ACOD1: variants seen among roughly 807,000 people sequenced by gnomAD.
ACOD1 encodes the protein aconitate decarboxylase 1.
ACOD1 carries 14 observed loss-of-function variants against 14.2 expected under a neutral mutation model. The observed-to-expected ratio is 0.99, with a 90% CI of 0.65 to 1.54. ACOD1 has a LOEUF of 1.54. Ranked by LOEUF, ACOD1 falls within the 40% of genes most tolerant of loss-of-function variation. ACOD1 has a pLI of 0.00. For missense variants in ACOD1, 530 were observed against 586.3 expected (o/e 0.90, Z 0.99); for synonymous variants, 182 against 221.7 (o/e 0.82, Z 1.59).
At chr13:76,956,237 C>G (rs2033873996) in intron 4 of ACOD1, among the ~76,000 whole-genome samples, 1 of 152,200 alleles carries the variant, frequency 6.6e-6, no homozygotes. Flanking sequence ...GAGTCTCGCT[C>G]TGTTGCCAGG....
In ACOD1 at chr13:76,953,706, G is replaced by A. The variant is rs780075741; in HGVS notation, c.264+17G>A. On this transcript the variant is annotated intron_variant, in intron 3 of 4. Transcript: ENST00000377462. ...GGTGTGGCTGTAAGGAGGTTTTCAC[G>A]TCTTTTCAACTATTAGATAATCATA... 1.5e-4 allele frequency: 220 copies of A among 1,439,710 alleles called. No homozygotes were observed. Among genetic ancestry groups the A allele is most frequent in the Non-Finnish European group, 7.9e-5 (83 of 1,047,446 alleles). 89.2% of individuals were successfully genotyped at this position (1,439,710 alleles called of 1,614,324 possible).
intron 3 of ACOD1, among the ~76,000 whole-genome samples, chr13:76,954,853 G>A (rs1031974576): frequency 6.6e-6 from 1 of 152,162 alleles, no homozygotes; most frequent in Non-Finnish European, 1.5e-5. Flanking sequence ...GCCAGGCCAG[G>A]TGTGGTGGCT....
chr13:76,953,765 G>T, intron 3 of ACOD1, 76 bp downstream of exon 3: 2 of 944,522 alleles, frequency 2.1e-6, no homozygotes, highest in Non-Finnish European at 3.3e-6. Flanking sequence ...CTCAGAAATT[G>T]CCCAAATTCT....
At chr13:76,948,602 T>C in intron 1 of ACOD1, 32 bp downstream of exon 1, 4 of 1,524,870 alleles carry the variant, frequency 2.6e-6, no homozygotes, top group East Asian at 2.5e-5. Context: ...CTTACTTAAA[T>C]TGCTTTTCTA....
At chr13:76,954,956 G>A (rs908582677) in intron 3 of ACOD1, among the ~76,000 whole-genome samples, 5 of 151,720 alleles carry the variant, frequency 3.3e-5, no homozygotes, top group African/African-American at 7.3e-5. Context: ...GTGAAACTCC[G>A]TCTCTACTAA....
intron 2 of ACOD1, among the ~76,000 whole-genome samples, chr13:76,953,045 G>T (rs1301580331): frequency 6.6e-6 from 1 of 152,166 alleles, no homozygotes; most frequent in Non-Finnish European, 1.5e-5. Context: ...AGGCTGAGAG[G>T]TGGGAGGATC....
chr13:76,953,500 G>T (rs2033843280), intron 2 of ACOD1, 100 bp from the exon 3 acceptor site: 2 of 713,258 alleles, frequency 2.8e-6, no homozygotes, highest in Admixed American at 4.3e-5. Flanking sequence ...GTTCAAGTAA[G>T]AACTATGAAT....
Position 76,952,631 on chromosome 13 carries a change from T to G in ACOD1, c.155T>G (p.Ile52Arg), listed in dbSNP as rs888208261. The G allele has an allele frequency of 6.5e-7, 1 of 1,550,198 alleles. No homozygotes were observed. Among genetic ancestry groups the G allele is most frequent in the African/African-American group, 1.4e-5 (1 of 73,036 alleles). The change falls in exon 2 of 5, where the codon ATA becomes AGA. Residue 52 changes from isoleucine (I) to arginine (R), a missense_variant. By Grantham distance (97) the Ile-to-Arg change is moderately conservative. Coordinates refer to ENST00000377462, the MANE Select transcript of ACOD1 (RefSeq NM_001258406.2). ...FLGTTTEVFH[I>R]ASQYSKIYSS... ...GGAACCACTACGGAAGTGTTTCACATAGCCAGCCAATATAGCAAGGTAAGA... is the reference window on the plus strand; with the variant it reads ...GGAACCACTACGGAAGTGTTTCACAGAGCCAGCCAATATAGCAAGGTAAGA...
At chr13:76,951,897 A>G (rs1379203059) in intron 1 of ACOD1, among the ~76,000 whole-genome samples, 1 of 152,126 alleles carries the variant, frequency 6.6e-6, no homozygotes, top group African/African-American at 2.4e-5. Flanking sequence ...TCGTCTGACC[A>G]TTTGGGACTT....
In ACOD1 at chr13:76,957,499, C is replaced by G. The variant is rs2033890290; in HGVS notation, c.960C>G (p.Asn320Lys). 1.3e-6 allele frequency: 2 copies of G among 1,550,600 alleles called. No individual in the cohort carries two copies. Among genetic ancestry groups the G allele is most frequent in the South Asian group, 1.2e-5 (1 of 84,064 alleles). Residue 320 changes from asparagine (N) to lysine (K), a missense_variant, in exon 5 of 5, where the codon AAC becomes AAG. By Grantham distance (94) the Asn-to-Lys change is moderately conservative. Coordinates refer to ENST00000377462, the MANE Select transcript of ACOD1 (RefSeq NM_001258406.2). ...GGATACCAAATGTCCAGTATGTAAACAGGCCCTTTCCAGTTTCGGAGCATG... is the reference window on the plus strand; with the variant it reads ...GGATACCAAATGTCCAGTATGTAAAGAGGCCCTTTCCAGTTTCGGAGCATG... ...VLRIPNVQYV[N>K]RPFPVSEHEA...
intron 4 of ACOD1, among the ~76,000 whole-genome samples, 180 bp downstream of exon 4, chr13:76,955,704 C>T (rs1413556157): frequency 2.6e-5 from 4 of 152,226 alleles, no homozygotes; most frequent in Non-Finnish European, 5.9e-5. Flanking sequence ...AAAGAAGTGA[C>T]TTCAAGAGTG....
At position 76,952,549 on chromosome 13, in the gene ACOD1, C is replaced by A. The variant is rs1426756618; in HGVS notation, c.73C>A (p.Arg25Ser). The change falls in exon 2 of 5, where the codon CGT becomes AGT. Residue 25 changes from arginine (R) to serine (S), a missense_variant. Arg to Ser is a moderately radical substitution (Grantham distance 110, BLOSUM62 -1). Transcript: ENST00000377462. ...HGLKVGHLTDRVIQRSKRMIL... is the reference protein window; with the variant it reads ...HGLKVGHLTDSVIQRSKRMIL... ...CTTGAAAGTGGGACACCTGACAGAT[C>A]GTGTTATTCAGAGGAGCAAGAGGAT... is the stretch of plus-strand genomic sequence containing the variant. 1.9e-6 allele frequency: 3 copies of A among 1,550,276 alleles called. No individual in the cohort carries two copies. Among genetic ancestry groups the A allele is most frequent in the East Asian group, 4.9e-5 (2 of 40,896 alleles).
At chr13:76,956,806 C>A (rs944874385) in intron 4 of ACOD1, among the ~76,000 whole-genome samples, 2 of 152,212 alleles carry the variant, frequency 1.3e-5, no homozygotes, top group Non-Finnish European at 2.9e-5. Context: ...AACCACCACA[C>A]CTCGCCTATC....
rs1484344333 is a variant in ACOD1 at position 76,957,312 on chromosome 13, C to T, written c.773C>T (p.Ala258Val). 3 of 1,550,664 alleles carry T rather than the reference C, an allele frequency of 1.9e-6. No individual in the cohort carries two copies. Among genetic ancestry groups the T allele is most frequent in the East Asian group, 4.9e-5 (2 of 40,926 alleles). The change falls in exon 5 of 5, where the codon GCT (alanine) becomes GTT (valine). Residue 258 changes from alanine to valine, a missense_variant. Coordinates refer to ENST00000377462, the MANE Select transcript of ACOD1 (RefSeq NM_001258406.2). ...TCCCCAAAAGTCCTTCCAAGCATAG[C>T]TTCCTACAGTTGGCTGCTGGACCAG... ...NYSPKVLPSI[A>V]SYSWLLDQQD... is the part of the protein sequence containing the mutation.
intron 3 of ACOD1, among the ~76,000 whole-genome samples, 195 bp from the exon 4 acceptor site, chr13:76,955,124 C>T (rs950927602): frequency 3.3e-5 from 3 of 92,094 alleles, no homozygotes; most frequent in African/African-American, 1.7e-4. Context: ...AAGACTCTGT[C>T]TCAAAAAAAA....
Position 76,958,230 on chromosome 13 carries a change from A to G in ACOD1, c.*245A>G. The G allele has an allele frequency of 2.4e-6, 1 of 417,882 alleles. No homozygotes were observed. Among genetic ancestry groups the G allele is most frequent in the South Asian group, 4.4e-5 (1 of 22,568 alleles). 25.9% of individuals were successfully genotyped at this position (417,882 alleles called of 1,614,324 possible). A position where few individuals can be genotyped will look rare whatever the true frequency, so the allele number is the denominator to read the frequency against. On this transcript the variant is annotated 3_prime_UTR_variant, in exon 5 of 5. Coordinates refer to ENST00000377462, the MANE Select transcript of ACOD1 (RefSeq NM_001258406.2). ...GTAAGCATTCACAAGGGTGAAATTC[A>G]ACTCACCTGTGATTTACTTATAAAA... is the stretch of plus-strand genomic sequence containing the variant.
In ACOD1 at chr13:76,948,569, A is replaced by G. The variant is rs1253999245; in HGVS notation, c.11A>G (p.Lys4Arg). The G allele has an allele frequency of 7.8e-6, 12 of 1,544,236 alleles. No homozygotes were observed. The highest frequency in any genetic ancestry group is 8.7e-7 in the Non-Finnish European group (1 of 1,143,636). Residue 4 changes from lysine to arginine, a missense_variant and splice_region_variant, in exon 1 of 5, where the codon AAG becomes AGG. Transcript: ENST00000377462. ...CTTCTTTACAACGAAATGATGCTCA[A>G]GGTATTGTAGCATTTTATGTGACTT... MML[K>R]SITESFATAI...
intron 4 of ACOD1, among the ~76,000 whole-genome samples, chr13:76,956,495 C>T (rs544203236): frequency 4.0e-5 from 6 of 151,400 alleles, no homozygotes; most frequent in African/African-American, 7.3e-5. Context: ...CCATCGTGCC[C>T]GGCCTTATTA....
At position 76,958,108 on chromosome 13, in the gene ACOD1, G is replaced by A. The variant is rs1480635253; in HGVS notation, c.*123G>A. 2 of 969,032 alleles carry A rather than the reference G, an allele frequency of 2.1e-6. No individual in the cohort carries two copies. Among genetic ancestry groups the A allele is most frequent in the African/African-American group, 3.3e-5 (2 of 60,662 alleles). 60.0% of individuals were successfully genotyped at this position (969,032 alleles called of 1,614,324 possible). ...CAAAGATGGAGAGAGTCCAGAAACA[G>A]AACTACATATATCTGGAAGGAGCCT... On this transcript the variant is annotated 3_prime_UTR_variant, in exon 5 of 5. Coordinates refer to ENST00000377462, the MANE Select transcript of ACOD1 (RefSeq NM_001258406.2).
Sources: allele counts gnomAD v4.1 joint callset (sites outside exome capture counted in the v4.1 genomes callset), GRCh38; gene constraint gnomAD v4.1.1; transcripts MANE v1.5; gene names NCBI Gene and HGNC (gene_info 2026-07-23, HGNC 2026-07-21).